PEAK1: variants seen among roughly 807,000 people sequenced by gnomAD.
PEAK1 encodes inactive tyrosine-protein kinase PEAK1.
In PEAK1, 54 loss-of-function variants were observed where a neutral mutation model predicts 124.7. That is an observed-to-expected ratio of 0.43 (90% CI 0.35 to 0.54). The LOEUF is 0.54. Ranked by LOEUF, PEAK1 falls within the 20% of genes least tolerant of loss-of-function variation. The pLI is 0.01. For synonymous variants in PEAK1, 719 were observed against 760.0 expected (o/e 0.95, Z 0.89); for missense variants, 2,046 against 2,134.5 (o/e 0.96, Z 0.82).
At chr15:77,284,507 C>A (rs1192703501) in intron 4 of PEAK1, among the ~76,000 whole-genome samples, 3 of 152,182 alleles carry the variant, frequency 2.0e-5, no homozygotes, top group African/African-American at 7.2e-5. Flanking sequence ...AGCCCCACCT[C>A]AAAGTCCTTT....
intron 2 of PEAK1, among the ~76,000 whole-genome samples, chr15:77,306,801 T>C (rs1035569647): frequency 3.5e-4 from 53 of 152,146 alleles, no homozygotes; most frequent in African/African-American, 1.3e-3. Flanking sequence ...AGGAAGAATG[T>C]ATGAATAAAT....
At chr15:77,170,354 A>G (rs1396968661) in intron 7 of PEAK1, among the ~76,000 whole-genome samples, 2 of 152,212 alleles carry the variant, frequency 1.3e-5, no homozygotes, top group African/African-American at 4.8e-5. Flanking sequence ...GTAATCCAGT[A>G]GAACTGATTG....
chr15:77,333,395 A>G (rs1249912327), intron 2 of PEAK1: 1 of 980,420 alleles, frequency 1.0e-6, no homozygotes, highest in Non-Finnish European at 1.2e-6. Context: ...TGTGGTTTCT[A>G]ACTGAGTAGA....
intron 1 of PEAK1, chr15:77,418,732 A>T (rs1314502187): frequency 1.0e-6 from 1 of 985,180 alleles, no homozygotes; most frequent in East Asian, 1.1e-4. Flanking sequence ...GGAAAGTTTT[A>T]CCCCGGTGGA....
intron 6 of PEAK1, among the ~76,000 whole-genome samples, chr15:77,194,973 T>A (rs920245604): frequency 6.6e-6 from 1 of 152,220 alleles, no homozygotes; most frequent in Non-Finnish European, 1.5e-5. Flanking sequence ...TAGTAAATTA[T>A]GTTCGGGGTT....
At chr15:77,222,282 C>G (rs1205261220) in intron 6 of PEAK1, among the ~76,000 whole-genome samples, 1 of 151,966 alleles carries the variant, frequency 6.6e-6, no homozygotes, top group Non-Finnish European at 1.5e-5. Context: ...TTGTTTGCTG[C>G]CTTACAAATG....
chr15:77,372,909 G>A (rs528344850), intron 1 of PEAK1, among the ~76,000 whole-genome samples: 1 of 152,042 alleles, frequency 6.6e-6, no homozygotes, highest in East Asian at 1.9e-4. Flanking sequence ...TTGGCCTTCC[G>A]CCATGATTAT....
intron 1 of PEAK1, among the ~76,000 whole-genome samples, chr15:77,376,042 A>T (rs1194106372): frequency 6.7e-6 from 1 of 150,120 alleles, no homozygotes; most frequent in Non-Finnish European, 1.5e-5. Context: ...TAAATAAATA[A>T]ATGTAATAAT....
chr15:77,335,598 C>A (rs1222876833), intron 2 of PEAK1: 58 of 707,622 alleles, frequency 8.2e-5, no homozygotes, highest in Non-Finnish European at 1.0e-4. Context: ...CCTGACACAG[C>A]CTCCTGAGTA....
At chr15:77,322,860 T>A (rs2065316173) in intron 2 of PEAK1, among the ~76,000 whole-genome samples, 1 of 152,188 alleles carries the variant, frequency 6.6e-6, no homozygotes, top group South Asian at 2.1e-4. Context: ...ATATCCCTGA[T>A]GAACATCGAT....
intron 2 of PEAK1, chr15:77,335,890 C>T: frequency 2.0e-6 from 2 of 985,356 alleles, no homozygotes; most frequent in Non-Finnish European, 2.4e-6. Flanking sequence ...CTTCCCACCC[C>T]AATCATTGCA....
chr15:77,286,518 C>T lies in PEAK1; in HGVS notation c.-602-14G>A, dbSNP rs776193686. 3 of 1,191,746 alleles carry T rather than the reference C, an allele frequency of 2.5e-6. No individual in the cohort carries two copies. The highest frequency in any genetic ancestry group is 3.2e-6 in the Non-Finnish European group (3 of 951,892). The allele number at this position is 1,191,746 out of a possible 1,614,324, so 73.8% of individuals were successfully genotyped here. A position where few individuals can be genotyped will look rare whatever the true frequency, so the allele number is the denominator to read the frequency against. ...AGTATTCTTTTCCTATTAGAAGATG[C>T]AAAGTGGGGAAGATATATTAATAAA... is the stretch of plus-strand genomic sequence containing the variant. On this transcript the variant is annotated splice_polypyrimidine_tract_variant and intron_variant, in intron 2 of 9. Transcript: ENST00000682557.
intron 6 of PEAK1, among the ~76,000 whole-genome samples, chr15:77,218,885 G>C (rs912868347): frequency 6.6e-6 from 1 of 152,116 alleles, no homozygotes. Flanking sequence ...TTGCAAATGA[G>C]TGTGGGGGTG....
At chr15:77,349,665 A>T (rs1442611810) in intron 2 of PEAK1, 1 of 984,468 alleles carries the variant, frequency 1.0e-6, no homozygotes, top group Non-Finnish European at 1.2e-6. Flanking sequence ...AAAATTACTT[A>T]ATCAATCCTT....
chr15:77,233,525 G>C (rs1434029872), intron 6 of PEAK1, among the ~76,000 whole-genome samples: 2 of 152,020 alleles, frequency 1.3e-5, no homozygotes, highest in African/African-American at 4.8e-5. Flanking sequence ...TTCAGTACTA[G>C]ATTTCTCAGT....
intron 2 of PEAK1, among the ~76,000 whole-genome samples, chr15:77,318,752 C>T (rs767545097): frequency 2.6e-5 from 4 of 151,774 alleles, no homozygotes; most frequent in African/African-American, 9.7e-5. Flanking sequence ...AGCAAACATG[C>T]GGTATAAGTA....
intron 2 of PEAK1, among the ~76,000 whole-genome samples, chr15:77,343,839 C>G (rs2066701419): frequency 6.6e-6 from 1 of 152,062 alleles, no homozygotes; most frequent in Non-Finnish European, 1.5e-5. Flanking sequence ...TAAGAAATCA[C>G]TACAAATTCA....
At chr15:77,259,864 T>G (rs549260778) in intron 5 of PEAK1, among the ~76,000 whole-genome samples, 1 of 151,932 alleles carries the variant, frequency 6.6e-6, no homozygotes, top group South Asian at 2.1e-4. Context: ...CTTGGAGAGA[T>G]AGAAAAAAGT....
chr15:77,413,098 T>C (rs1231513478), intron 1 of PEAK1, among the ~76,000 whole-genome samples: 1 of 152,172 alleles, frequency 6.6e-6, no homozygotes, highest in Non-Finnish European at 1.5e-5. Flanking sequence ...AAAAAGTACC[T>C]TCAGAAGCCA....
Sources: gnomAD v4.1 joint callset for allele counts (sites outside exome capture counted in the v4.1 genomes callset) on GRCh38, gnomAD v4.1.1 for gene constraint, MANE v1.5 for transcripts, NCBI Gene and HGNC (gene_info 2026-07-23, HGNC 2026-07-21) for gene names.